Variants in KHDRBS3 observed in about 807,000 individuals in gnomAD.
KHDRBS3 encodes the protein KH RNA binding domain containing, signal transduction associated 3.
In KHDRBS3, 23 loss-of-function variants were observed where a neutral mutation model predicts 45.6. The ratio of observed to expected loss-of-function variants is 0.50; its 90% CI spans 0.36 to 0.72. The LOEUF is 0.72. Among genes scored for constraint, KHDRBS3 ranks in the 30% least tolerant of loss-of-function variants. The pLI is 0.00. For missense variants in KHDRBS3, 352 were observed against 424.8 expected, an observed-to-expected ratio of 0.83 and a Z score of 1.51; for synonymous variants, 162 against 156.5, an observed-to-expected ratio of 1.04 and a Z score of -0.26.
At chr8:135,542,910 C>G in intron 3 of KHDRBS3, 140 bp downstream of exon 3, 1 of 585,778 alleles carries the variant, frequency 1.7e-6, no homozygotes, top group East Asian at 2.8e-5. Flanking sequence ...CTCTGGTCAG[C>G]TTCAGAATAT....
intron 1 of KHDRBS3, among the ~76,000 whole-genome samples, chr8:135,468,169 T>C (rs1053701531): frequency 4.6e-5 from 7 of 152,250 alleles, no homozygotes; most frequent in Non-Finnish European, 8.8e-5. Flanking sequence ...ATTTGGCCAT[T>C]GAGGGCCCTT....
intron 5 of KHDRBS3, among the ~76,000 whole-genome samples, chr8:135,581,554 A>C (rs1157109692): frequency 2.6e-5 from 4 of 152,070 alleles, no homozygotes; most frequent in Non-Finnish European, 5.9e-5. Context: ...GTGGGAGTGA[A>C]GTTTGGGTGT....
chr8:135,642,802 T>C (rs1227672823), intron 7 of KHDRBS3, among the ~76,000 whole-genome samples: 1 of 151,726 alleles, frequency 6.6e-6, no homozygotes, highest in South Asian at 2.1e-4. Context: ...TGTCTTTTTT[T>C]TTTTTTTCTG....
chr8:135,605,308 A>G (rs1261633767), intron 6 of KHDRBS3, among the ~76,000 whole-genome samples: 1 of 151,860 alleles, frequency 6.6e-6, no homozygotes, highest in Admixed American at 6.6e-5. Flanking sequence ...TAGGTCTCTG[A>G]TACTCTGTTC....
intron 7 of KHDRBS3, among the ~76,000 whole-genome samples, chr8:135,628,210 C>T (rs1438946806): frequency 6.6e-6 from 1 of 152,128 alleles, no homozygotes. Context: ...TCGGTATCAT[C>T]ATGTTCCATT....
At chr8:135,561,129 A>G (rs1335420649) in intron 5 of KHDRBS3, among the ~76,000 whole-genome samples, 2 of 152,150 alleles carry the variant, frequency 1.3e-5, no homozygotes, top group African/African-American at 4.8e-5. Context: ...AACCAACCCT[A>G]GGGTAGAAGC....
At chr8:135,621,965 G>T (rs551054521) in intron 7 of KHDRBS3, among the ~76,000 whole-genome samples, 1 of 152,116 alleles carries the variant, frequency 6.6e-6, no homozygotes, top group South Asian at 2.1e-4. Flanking sequence ...CCAAGTGAAT[G>T]TCACCTTGCT....
chr8:135,512,433 G>GGGC (rs1554620150), intron 1 of KHDRBS3, among the ~76,000 whole-genome samples: 1 of 136,682 alleles, frequency 7.3e-6, no homozygotes, highest in Non-Finnish European at 1.6e-5. Context: ...AAAAGTCGGG[G>GGGC]GGGGGGTAAT....
intron 3 of KHDRBS3, among the ~76,000 whole-genome samples, chr8:135,544,013 C>A (rs905288916): frequency 6.6e-6 from 1 of 152,092 alleles, no homozygotes; most frequent in African/African-American, 2.4e-5. Context: ...ATTATGACTT[C>A]AATTCTCTGA....
intron 1 of KHDRBS3, among the ~76,000 whole-genome samples, chr8:135,493,962 T>C (rs1823286083): frequency 1.3e-5 from 2 of 152,146 alleles, no homozygotes; most frequent in South Asian, 4.1e-4. Context: ...TCATGCTATC[T>C]TTTCCTTTTT....
chr8:135,583,903 G>T (rs962200853), intron 6 of KHDRBS3, among the ~76,000 whole-genome samples: 1 of 152,260 alleles, frequency 6.6e-6, no homozygotes, highest in Non-Finnish European at 1.5e-5. Flanking sequence ...CAAGACATTT[G>T]GGTTTGCTGC....
At chr8:135,634,606 G>A (rs1483381292) in intron 7 of KHDRBS3, among the ~76,000 whole-genome samples, 1 of 152,172 alleles carries the variant, frequency 6.6e-6, no homozygotes, top group Non-Finnish European at 1.5e-5. Context: ...AAACATGCCA[G>A]TTAGGGAACT....
intron 6 of KHDRBS3, among the ~76,000 whole-genome samples, chr8:135,604,923 G>T (rs1410412984): frequency 6.6e-6 from 1 of 150,648 alleles, no homozygotes; most frequent in Admixed American, 6.6e-5. Flanking sequence ...TTAGTTGACA[G>T]TCTTTTTTTT....
At chr8:135,538,425 T>C (rs1388791734) in intron 2 of KHDRBS3, 1 of 152,196 alleles carries the variant, frequency 6.6e-6, no homozygotes, top group African/African-American at 2.4e-5. Flanking sequence ...AAGGATCCTC[T>C]GTGAGTCTTA....
At position 135,606,997 on chromosome 8, in the gene KHDRBS3, T is replaced by A. The variant is rs778970243; in HGVS notation, c.850T>A (p.Tyr284Asn). Residue 284 changes from tyrosine to asparagine, a missense_variant, in exon 7 of 9, where the codon TAT (tyrosine) becomes AAT (asparagine). Physicochemically the swap from Tyr to Asn is moderately radical, Grantham distance 143 (BLOSUM62 -2). This residue lies in a region of KHDRBS3 where 212 missense variants were observed against 209.6 expected (regional missense o/e 1.01). Transcript: ENST00000355849. ...TGGCACTGCTTATGATGAACAGAGT[T>A]ATGATTCCTATGATAACAGCTATAG... ...GYGTAYDEQS[Y>N]DSYDNSYSTP... The A allele has an allele frequency of 6.2e-7, 1 of 1,613,656 alleles. No homozygotes were observed. Among genetic ancestry groups the A allele is most frequent in the South Asian group, 1.1e-5 (1 of 90,988 alleles).
At chr8:135,629,642 A>C (rs1830512736) in intron 7 of KHDRBS3, among the ~76,000 whole-genome samples, 1 of 152,256 alleles carries the variant, frequency 6.6e-6, no homozygotes, top group Non-Finnish European at 1.5e-5. Flanking sequence ...TTTGTTCATA[A>C]AATGCTTTCA....
At chr8:135,568,042 T>C (rs1827514442) in intron 5 of KHDRBS3, among the ~76,000 whole-genome samples, 1 of 152,182 alleles carries the variant, frequency 6.6e-6, no homozygotes. Flanking sequence ...CCCTGAGGAG[T>C]CAAAGCATGC....
At chr8:135,504,104 A>T (rs1295080060) in intron 1 of KHDRBS3, among the ~76,000 whole-genome samples, 2 of 152,156 alleles carry the variant, frequency 1.3e-5, no homozygotes, top group African/African-American at 4.8e-5. Flanking sequence ...TCTCAGTGTC[A>T]TACTGTAAGT....
At chr8:135,463,355 T>C (rs1490500049) in intron 1 of KHDRBS3, among the ~76,000 whole-genome samples, 3 of 152,050 alleles carry the variant, frequency 2.0e-5, no homozygotes, top group African/African-American at 4.8e-5. Context: ...AGGACCTGAA[T>C]TGGAGGTGGG....
Sources: allele counts gnomAD v4.1 joint callset (sites outside exome capture counted in the v4.1 genomes callset), GRCh38; gene constraint gnomAD v4.1.1; regional missense constraint gnomAD v4.1.1; transcripts MANE v1.5; gene names NCBI Gene and HGNC (gene_info 2026-07-23, HGNC 2026-07-21).